The following TCF7L2 variants were observed in gnomAD, a reference collection of about 807,000 sequenced individuals.
TCF7L2 encodes the protein transcription factor 7-like 2.
Under a neutral mutation model 77.9 loss-of-function variants are expected in TCF7L2, and 23 were observed. The observed-to-expected ratio is 0.30, with a 90% CI of 0.21 to 0.42. The LOEUF (loss-of-function observed/expected upper bound fraction) is 0.42. TCF7L2 is among the 10% of genes least tolerant of loss of function. The pLI, the probability that TCF7L2 is intolerant of heterozygous loss-of-function variation, is 1.00. For synonymous variants in TCF7L2, 413 were observed against 340.2 expected, an observed-to-expected ratio of 1.21 and a Z score of -2.36; for missense variants, 654 against 793.1, an observed-to-expected ratio of 0.82 and a Z score of 2.11.
rs138820252 is a variant in TCF7L2, at chr10:112,952,262, C to T, written c.381+655C>T. Among the ~76,000 whole-genome samples, 957 of 152,316 alleles carry T rather than the reference C, an allele frequency of 6.3e-3. 7 individuals carry two copies. Among genetic ancestry groups the T allele is most frequent in the East Asian group, 0.015 (75 of 5,150 alleles). ...CTTTCTAGTGGAGATTGCTGGCTCT[C>T]GGCCCTCCTTCCCCCTTCCCCTGGA... On this transcript the variant is annotated intron_variant, in intron 3 of 13. Coordinates refer to ENST00000627217, the MANE Select transcript of TCF7L2 (RefSeq NM_001146274.2).
At chr10:113,111,693 G>A (rs2063150544) in intron 5 of TCF7L2, among the ~76,000 whole-genome samples, 1 of 152,128 alleles carries the variant, frequency 6.6e-6, no homozygotes, top group South Asian at 2.1e-4. Flanking sequence ...TCGGGAGGCT[G>A]AGATGGGAGG....
In TCF7L2 at chr10:112,966,184, T is replaced by TTATATTTTTATATA. The variant is rs1554876897; in HGVS notation, c.450+1565_450+1566insTTTTATATATATAT. Among the ~76,000 whole-genome samples, 4 of 114,228 alleles carry TTATATTTTTATATA rather than the reference T, an allele frequency of 3.5e-5. 1 individual carries two copies. Among genetic ancestry groups the TTATATTTTTATATA allele is most frequent in the African/African-American group, 1.9e-4 (4 of 21,014 alleles). 74.9% of individuals were successfully genotyped at this position (114,228 alleles called of 152,430 possible). A position where few individuals can be genotyped will look rare whatever the true frequency, so the allele number is the denominator to read the frequency against. Reference sequence around the variant, plus strand: ...GAGTGAGACTCTGTCTAAAATATATTTATATATATATATATATATATATAT... The same window carrying TTATATTTTTATATA: ...GAGTGAGACTCTGTCTAAAATATATTTATATTTTTATATATATATATATATATATATATATATAT... On this transcript the variant is annotated intron_variant, in intron 4 of 13. Transcript: ENST00000627217.
chr10:112,981,129 C>G (rs920142816), intron 4 of TCF7L2, among the ~76,000 whole-genome samples: 1 of 152,110 alleles, frequency 6.6e-6, no homozygotes, highest in African/African-American at 2.4e-5. Context: ...GTTTTCTTGT[C>G]ACTTGTTGCT....
intron 5 of TCF7L2, among the ~76,000 whole-genome samples, chr10:113,121,913 T>C (rs2064869883): frequency 6.6e-6 from 1 of 152,222 alleles, no homozygotes. Flanking sequence ...GCCATATTGA[T>C]TGAAGAAAAT....
At chr10:113,072,144 C>T (rs1020977097) in intron 5 of TCF7L2, among the ~76,000 whole-genome samples, 1 of 152,130 alleles carries the variant, frequency 6.6e-6, no homozygotes, top group African/African-American at 2.4e-5. Context: ...GCACCTCTGC[C>T]TCCTGGATTC....
chr10:113,122,202 C>A (rs151058091), intron 5 of TCF7L2, among the ~76,000 whole-genome samples: 102 of 152,246 alleles, frequency 6.7e-4, no homozygotes, highest in African/African-American at 2.4e-3. Flanking sequence ...TATTTTTTAA[C>A]CTAGAACATA....
At chr10:113,148,091 A>G (rs2069895345) in intron 8 of TCF7L2, among the ~76,000 whole-genome samples, 1 of 152,210 alleles carries the variant, frequency 6.6e-6, no homozygotes. Flanking sequence ...ACCCTTTGAT[A>G]TTCATTCTAT....
chr10:112,964,790 GTGA>G (rs1564719174), intron 4 of TCF7L2, among the ~76,000 whole-genome samples, 166 bp downstream of exon 4: 4 of 140,974 alleles, frequency 2.8e-5, no homozygotes, highest in African/African-American at 1.1e-4. Context: ...GGTGGTGGTG[GTGA>G]TGGTGGTGGT....
At chr10:113,099,603 T>G (rs909602573) in intron 5 of TCF7L2, among the ~76,000 whole-genome samples, 1 of 152,222 alleles carries the variant, frequency 6.6e-6, no homozygotes, top group East Asian at 1.9e-4. Flanking sequence ...GGTGGGGATC[T>G]TCTGTGTGTG....
At chr10:113,092,820 C>CT (rs923445768) in intron 5 of TCF7L2, among the ~76,000 whole-genome samples, 2 of 152,154 alleles carry the variant, frequency 1.3e-5, no homozygotes, top group African/African-American at 4.8e-5. Flanking sequence ...GCCAAGATAG[C>CT]ACCACTGCTG....
chr10:113,121,384 C>T (rs2064747280), intron 5 of TCF7L2, among the ~76,000 whole-genome samples: 1 of 152,222 alleles, frequency 6.6e-6, no homozygotes, highest in African/African-American at 2.4e-5. Flanking sequence ...ATCCTCTCGA[C>T]ATGACAGATT....
chr10:112,965,723 C>T (rs985099202), intron 4 of TCF7L2, among the ~76,000 whole-genome samples: 1 of 151,244 alleles, frequency 6.6e-6, no homozygotes, highest in Non-Finnish European at 1.5e-5. Flanking sequence ...GCTCTGTCAT[C>T]TCAGTTCTGC....
At chr10:113,137,221 A>G (rs1355991883) in intron 5 of TCF7L2, among the ~76,000 whole-genome samples, 1 of 152,170 alleles carries the variant, frequency 6.6e-6, no homozygotes, top group African/African-American at 2.4e-5. Flanking sequence ...CTTACCTTTG[A>G]AATCAGGAGT....
intron 5 of TCF7L2, among the ~76,000 whole-genome samples, chr10:113,086,286 GC>G (rs1260827794): frequency 6.6e-6 from 1 of 152,086 alleles, no homozygotes; most frequent in Non-Finnish European, 1.5e-5. Flanking sequence ...ATTCAAACTG[GC>G]CTGAGCAAAA....
chr10:112,954,642 A>T (rs1168554155), intron 3 of TCF7L2, among the ~76,000 whole-genome samples: 6 of 152,234 alleles, frequency 3.9e-5, no homozygotes, highest in African/African-American at 1.4e-4. Flanking sequence ...CTGTGGTAAC[A>T]TTTGTATATT....
At position 113,160,663 on chromosome 10, in the gene TCF7L2, C is replaced by T. The variant is rs1592480293; in HGVS notation, c.1363C>T (p.Arg455Ter). Residue 455 changes from arginine to a stop codon, truncating the protein, a stop_gained, in exon 13 of 14, where the codon CGA becomes TGA. Coordinates refer to ENST00000627217, the MANE Select transcript of TCF7L2 (RefSeq NM_001146274.2). LOFTEE classifies it high-confidence loss of function. ...GTGTCGGGCACTGTTCGGGCTTGAC[C>T]GACAGACTTTATGGTGCAAACCGTG... 6.3e-7 allele frequency: 1 copy of T among 1,596,398 alleles called. No individual in the cohort carries two copies. Among genetic ancestry groups the T allele is most frequent in the Non-Finnish European group, 8.5e-7 (1 of 1,171,110 alleles).
intron 5 of TCF7L2, among the ~76,000 whole-genome samples, chr10:113,136,597 A>G (rs938933650): frequency 6.6e-6 from 1 of 152,240 alleles, no homozygotes; most frequent in East Asian, 1.9e-4. Flanking sequence ...AGTTTTGAAG[A>G]TGTATTTAGG....
chr10:113,090,248 A>G (rs568745317), intron 5 of TCF7L2, among the ~76,000 whole-genome samples: 13 of 152,354 alleles, frequency 8.5e-5, no homozygotes, highest in Non-Finnish European at 1.8e-4. Context: ...AAAAATTTTC[A>G]AGGAACTCTT....
chr10:112,953,204 G>A (rs911697230), intron 3 of TCF7L2, among the ~76,000 whole-genome samples: 2 of 152,066 alleles, frequency 1.3e-5, no homozygotes, highest in Non-Finnish European at 1.5e-5. Context: ...GCAAGGGCAT[G>A]CTAGACCGGT....
Sources: allele counts gnomAD v4.1 joint callset (sites outside exome capture counted in the v4.1 genomes callset), GRCh38; gene constraint gnomAD v4.1.1; transcripts MANE v1.5; gene names NCBI Gene and HGNC (gene_info 2026-07-23, HGNC 2026-07-21).